TBRG4: variants seen among roughly 807,000 people sequenced by gnomAD.
TBRG4 encodes FAST kinase domain-containing protein 4.
Under a neutral mutation model 65.6 loss-of-function variants are expected in TBRG4, and 43 were observed. The observed-to-expected ratio is 0.66, with a 90% confidence interval of 0.51 to 0.85. The LOEUF is 0.85. TBRG4 is among the 40% of genes least tolerant of loss of function. The pLI is 0.00. For missense variants in TBRG4, 709 were observed against 787.9 expected (o/e 0.90, Z 1.20); for synonymous variants, 366 against 341.4 (o/e 1.07, Z -0.79).
At chr7:45,103,688 A>G in intron 5 of TBRG4, 1 of 552,148 alleles carries the variant, frequency 1.8e-6, no homozygotes. Flanking sequence ...CTGATAAGGG[A>G]TTTAGAAATA....
chr7:45,111,362 A>T (rs1785118713), intron 1 of TBRG4: 1 of 185,222 alleles, frequency 5.4e-6, no homozygotes, highest in Non-Finnish European at 1.2e-5. Context: ...TCTAAAATGC[A>T]GAGAGAAAAC....
At chr7:45,108,751 ACTGGCTGCTGTGGACCCCAGCATTT>A in intron 2 of TBRG4, 51 bp downstream of exon 2, 1 of 1,269,584 alleles carries the variant, frequency 7.9e-7, no homozygotes, top group African/African-American at 1.5e-5. Flanking sequence ...CTTGGTAAGC[ACTGGCTGCTGTGGACCCCAGCATTT>A]CTGGCTGTTT....
Position 45,101,158 on chromosome 7 carries a change from C to G in TBRG4, c.1794+100G>C, listed in dbSNP as rs1040799750. 3.5e-5 allele frequency: 41 copies of G among 1,162,972 alleles called. No individual in the cohort carries two copies. In the African/African-American group the frequency reaches 4.3e-4, roughly 12 times the overall value. 72.0% of individuals were successfully genotyped at this position (1,162,972 alleles called of 1,614,324 possible). A position where few individuals can be genotyped will look rare whatever the true frequency, so the allele number is the denominator to read the frequency against. ...GAGAGGCCCGGGGCCACGGGCAGGG[C>G]ATGTGTCTATACCTGCTGGCTCAGT... On this transcript the variant is annotated intron_variant, in intron 10 of 10. Coordinates refer to ENST00000258770, the MANE Select transcript of TBRG4 (RefSeq NM_004749.4).
chr7:45,111,480 G>C, intron 1 of TBRG4, 163 bp downstream of exon 1: 1 of 862,528 alleles, frequency 1.2e-6, no homozygotes, highest in Non-Finnish European at 1.6e-6. Flanking sequence ...GTGCGCACTG[G>C]CAAGCCAGCA....
At position 45,111,667 on chromosome 7, in the gene TBRG4, C is replaced by A; in HGVS notation, c.-75G>T. 7.8e-7 allele frequency: 1 copy of A among 1,289,492 alleles called. No homozygotes were observed. Among genetic ancestry groups the A allele is most frequent in the Non-Finnish European group, 1.0e-6 (1 of 988,860 alleles). The allele number at this position is 1,289,492 out of a possible 1,614,324, so 79.9% of individuals were successfully genotyped here. On this transcript the variant is annotated 5_prime_UTR_variant, in exon 1 of 11. The change abolishes an upstream ATG in the 5' untranslated region. Coordinates refer to ENST00000258770, the MANE Select transcript of TBRG4 (RefSeq NM_004749.4). Reference sequence around the variant, plus strand: ...CGCAGCGAGCACCACCGCTGACCTCCATCCGCCGCCCTAACTGTCCCCGGA... The same window carrying A: ...CGCAGCGAGCACCACCGCTGACCTCAATCCGCCGCCCTAACTGTCCCCGGA...
chr7:45,102,057 C>G lies in TBRG4; in HGVS notation c.1335G>C (p.Gln445His), dbSNP rs760783955. Residue 445 changes from glutamine to histidine, a missense_variant, in exon 8 of 11, where the codon CAG becomes CAC. Gln to His is a conservative substitution (Grantham distance 24, BLOSUM62 0). Coordinates refer to ENST00000258770, the MANE Select transcript of TBRG4 (RefSeq NM_004749.4). Reference protein sequence around the residue: ...FHIQFLGGKSQKDQNTFQKLL... With the variant: ...FHIQFLGGKSHKDQNTFQKLL... Reference sequence around the variant, plus strand: ...GCTTCTGGAAGGTGTTCTGATCCTTCTGAGACTTGCCCCCTAGGAGACAAG... The same window carrying G: ...GCTTCTGGAAGGTGTTCTGATCCTTGTGAGACTTGCCCCCTAGGAGACAAG... 59 of 1,569,566 alleles carry G rather than the reference C, an allele frequency of 3.8e-5. No individual in the cohort carries two copies. The highest frequency in any genetic ancestry group is 4.6e-5 in the Non-Finnish European group (54 of 1,164,936).
chr7:45,100,707 C>T (rs904621194), intron 10 of TBRG4, among the ~76,000 whole-genome samples: 4 of 152,242 alleles, frequency 2.6e-5, no homozygotes, highest in African/African-American at 9.6e-5. Context: ...AGTTAAAAAA[C>T]TCACAACAAC....
Position 45,100,321 on chromosome 7 carries a change from C to A in TBRG4, c.*4G>T, listed in dbSNP as rs1461519077. On this transcript the variant is annotated 3_prime_UTR_variant, in exon 11 of 11. Coordinates refer to ENST00000258770, the MANE Select transcript of TBRG4 (RefSeq NM_004749.4). ...AGGCACGCAGTCCATGCTGCTGGCA[C>A]AAGTCACTTGGCCAGCTCCTCAGCC... 1 of 1,613,630 alleles carries A rather than the reference C, an allele frequency of 6.2e-7. No individual in the cohort carries two copies. The highest frequency in any genetic ancestry group is 1.7e-5 in the Admixed American group (1 of 60,018).
rs151054640 is a variant in TBRG4 at position 45,100,360 on chromosome 7, T to C, written c.1861A>G (p.Met621Val). The change falls in exon 11 of 11, where the codon ATG becomes GTG. Residue 621 changes from methionine to valine, a missense_variant. By Grantham distance (21) the Met-to-Val change is conservative. Coordinates refer to ENST00000258770, the MANE Select transcript of TBRG4 (RefSeq NM_004749.4). ...AGCTCCTCAGCCACCGCTTTGCGCA[T>C]CTTGTCCTTGAGGTAGGCGCCTTTC... ...WQKGAYLKDKMRKAVAEELAK is the reference protein window; with the variant it reads ...WQKGAYLKDKVRKAVAEELAK 3.5e-3 allele frequency: 5,572 copies of C among 1,614,204 alleles called. 17 individuals are homozygous for C. The highest frequency in any genetic ancestry group is 4.5e-3 in the Non-Finnish European group (5,293 of 1,180,022).
chr7:45,111,566 A>G (rs1342358585), intron 1 of TBRG4, 77 bp downstream of exon 1: 24 of 1,283,558 alleles, frequency 1.9e-5, no homozygotes, highest in Non-Finnish European at 2.4e-5. Flanking sequence ...GCATCCCAGG[A>G]CCTTCCCAGC....
At chr7:45,104,815 C>G (rs1784886070) in intron 3 of TBRG4, 106 bp from the exon 4 acceptor site, 21 of 1,501,602 alleles carry the variant, frequency 1.4e-5, no homozygotes, top group Non-Finnish European at 1.9e-5. Context: ...CTGTGACAGC[C>G]CCTGTCAGAC....
At chr7:45,104,033 G>A in intron 5 of TBRG4, 66 bp downstream of exon 5, 2 of 1,485,576 alleles carry the variant, frequency 1.3e-6, no homozygotes, top group Non-Finnish European at 1.8e-6. Context: ...TCCCGACTAA[G>A]GCAATGGTTC....
intron 2 of TBRG4, 148 bp from the exon 3 acceptor site, chr7:45,105,912 G>C: frequency 9.5e-7 from 1 of 1,051,538 alleles, no homozygotes; most frequent in Non-Finnish European, 1.5e-6. Context: ...ATTGTAACAG[G>C]GCCCCAGTGC....
At chr7:45,108,394 T>C (rs555337245) in intron 2 of TBRG4, among the ~76,000 whole-genome samples, 31 of 152,370 alleles carry the variant, frequency 2.0e-4, no homozygotes, top group African/African-American at 7.2e-4. Context: ...GGTCTGAACA[T>C]GGCTAGATCA....
Position 45,109,665 on chromosome 7 carries a change from AG to A in TBRG4, c.-50-379del, listed in dbSNP as rs542992730. The stretch of plus-strand genomic sequence containing the variant: ...AATTTTTTTTTATTTTTTTATTTCA[AG>A]GGTAACCAGGATTAAAAATTACGGG... On this transcript the variant is annotated intron_variant, in intron 1 of 10. Coordinates refer to ENST00000258770, the MANE Select transcript of TBRG4 (RefSeq NM_004749.4). Among the ~76,000 whole-genome samples the A allele has an allele frequency of 9.2e-4, 140 of 152,252 alleles. 3 individuals carry two copies. Among genetic ancestry groups the A allele is most frequent in the African/African-American group, 3.3e-3 (136 of 41,548 alleles).
At position 45,100,127 on chromosome 7, in the gene TBRG4, G is replaced by A. The variant is rs1784720362; in HGVS notation, c.*198C>T. The A allele has an allele frequency of 1.8e-6, 1 of 543,396 alleles. No homozygotes were observed. Among genetic ancestry groups the A allele is most frequent in the Non-Finnish European group, 3.3e-6 (1 of 306,760 alleles). 33.7% of individuals were successfully genotyped at this position (543,396 alleles called of 1,614,324 possible). ...ACAGTGCAGAGGGTGACCAAGCCTG[G>A]GAAGGCCCCAGGGGTCCAACACCAA... On this transcript the variant is annotated 3_prime_UTR_variant, in exon 11 of 11. Transcript: ENST00000258770.
intron 5 of TBRG4, 108 bp downstream of exon 5, chr7:45,103,991 C>T: frequency 1.4e-6 from 2 of 1,392,824 alleles, no homozygotes; most frequent in South Asian, 1.5e-5. Context: ...TATTTGCCCC[C>T]ACAAGTGAGC....
rs566035365 is a variant in TBRG4, at chr7:45,101,699, G to A, written c.1568-85C>T. On this transcript the variant is annotated intron_variant, in intron 8 of 10. Coordinates refer to ENST00000258770, the MANE Select transcript of TBRG4 (RefSeq NM_004749.4). The stretch of plus-strand genomic sequence containing the variant: ...AGGAAAGATGAACAAAGATGGGACT[G>A]TGGGGAGCCCAGGCTGACACCCTGC... 6.3e-6 allele frequency: 10 copies of A among 1,595,944 alleles called. No individual in the cohort carries two copies. In the South Asian group the frequency reaches 8.8e-5, roughly 14 times the overall value.
chr7:45,100,367 C>G lies in TBRG4; in HGVS notation c.1854G>C (p.Lys618Asn), dbSNP rs1280194665. 1 of 1,614,220 alleles carries G rather than the reference C, an allele frequency of 6.2e-7. No homozygotes were observed. Among genetic ancestry groups the G allele is most frequent in the South Asian group, 1.1e-5 (1 of 91,084 alleles). The change falls in exon 11 of 11, where the codon AAG becomes AAC. Residue 618 changes from lysine to asparagine, a missense_variant. By Grantham distance (94) the Lys-to-Asn change is moderately conservative. Transcript: ENST00000258770. ...CAGCCACCGCTTTGCGCATCTTGTC[C>G]TTGAGGTAGGCGCCTTTCTGCCATT... ...KSEWQKGAYL[K>N]DKMRKAVAEE...
Sources: allele counts gnomAD v4.1 joint callset (sites outside exome capture counted in the v4.1 genomes callset), GRCh38; gene constraint gnomAD v4.1.1; transcripts MANE v1.5; gene names NCBI Gene and HGNC (gene_info 2026-07-23, HGNC 2026-07-21).